Variants in DAPK1 observed in about 807,000 individuals in gnomAD.
The protein encoded by DAPK1 is death associated protein kinase 1, also known as death-associated protein kinase 1.
Under a neutral mutation model 144.9 loss-of-function variants are expected in DAPK1, and 56 were observed. That is an observed-to-expected ratio of 0.39 (90% CI 0.31 to 0.48). DAPK1 has a LOEUF of 0.48. DAPK1 is among the 20% of genes least tolerant of loss of function. The pLI is 0.95. For synonymous variants in DAPK1, 690 were observed against 749.0 expected (o/e 0.92, Z 1.29); for missense variants, 1,454 against 1,875.4 (o/e 0.78, Z 4.15).
At chr9:87,580,537 C>T (rs1227575151) in intron 2 of DAPK1, among the ~76,000 whole-genome samples, 1 of 152,190 alleles carries the variant, frequency 6.6e-6, no homozygotes, top group African/African-American at 2.4e-5. Context: ...GCAGACAACA[C>T]AGTAATGAAT....
At chr9:87,661,671 TG>T (rs1437414411) in intron 18 of DAPK1, among the ~76,000 whole-genome samples, 1 of 152,184 alleles carries the variant, frequency 6.6e-6, no homozygotes, top group Non-Finnish European at 1.5e-5. Context: ...GGGATTATTT[TG>T]GGGTTTTTGT....
chr9:87,593,449 T>G (rs1448915740), intron 2 of DAPK1, among the ~76,000 whole-genome samples: 2 of 152,236 alleles, frequency 1.3e-5, no homozygotes, highest in East Asian at 3.8e-4. Context: ...CTTTCTTTGT[T>G]CTTCCTCTCA....
intron 23 of DAPK1, among the ~76,000 whole-genome samples, chr9:87,699,248 C>A (rs1243880553): frequency 6.6e-6 from 1 of 152,204 alleles, no homozygotes; most frequent in Non-Finnish European, 1.5e-5. Context: ...AAGCAACCCC[C>A]TTCTTTCTAC....
chr9:87,632,873 T>C (rs1829749633), intron 3 of DAPK1: 4 of 955,570 alleles, frequency 4.2e-6, no homozygotes, highest in Non-Finnish European at 2.5e-6. Flanking sequence ...TGAAGGAAGA[T>C]GAGTATACAT....
Position 87,631,147 on chromosome 9 carries a change from G to A in DAPK1, c.285-6796G>A, listed in dbSNP as rs538729438. ...CTTGGTGCCTGATTTCTTCCACTCT[G>A]AAGAATCCTAATGTTTGCCTTGAAA... On this transcript the variant is annotated intron_variant, in intron 3 of 25. Transcript: ENST00000408954. Among the ~76,000 whole-genome samples the A allele has an allele frequency of 3.9e-5, 6 of 152,224 alleles. No individual in the cohort carries two copies. The South Asian group carries it at 1.2e-3, about 32-fold the overall frequency.
chr9:87,606,460 CCTCT>C (rs1198976649), intron 3 of DAPK1, among the ~76,000 whole-genome samples: 3 of 147,510 alleles, frequency 2.0e-5, no homozygotes, highest in Admixed American at 6.7e-5. Flanking sequence ...TCCCTTCCTT[CCTCT>C]CTCTCTTTCC....
intron 2 of DAPK1, among the ~76,000 whole-genome samples, chr9:87,572,322 A>C (rs554396393): frequency 6.6e-6 from 1 of 152,316 alleles, no homozygotes; most frequent in African/African-American, 2.4e-5. Flanking sequence ...ATGGCTACTA[A>C]ATATATTATA....
At chr9:87,681,180 A>G (rs1247929145) in intron 19 of DAPK1, among the ~76,000 whole-genome samples, 1 of 152,020 alleles carries the variant, frequency 6.6e-6, no homozygotes, top group African/African-American at 2.4e-5. Flanking sequence ...CGGGAGGCTG[A>G]GGCAGGAGAA....
chr9:87,629,920 C>T (rs1829612160), intron 3 of DAPK1, among the ~76,000 whole-genome samples: 1 of 152,148 alleles, frequency 6.6e-6, no homozygotes, highest in African/African-American at 2.4e-5. Context: ...GACACTTGCT[C>T]TGGAGCCCTG....
At chr9:87,705,466 C>T (rs545505225) in intron 25 of DAPK1, among the ~76,000 whole-genome samples, 2 of 152,228 alleles carry the variant, frequency 1.3e-5, no homozygotes, top group South Asian at 4.1e-4. Context: ...AAGTGATCCA[C>T]CCGCCTCGGC....
At chr9:87,667,987 A>C (rs1831117053) in intron 18 of DAPK1, 1 of 152,436 alleles carries the variant, frequency 6.6e-6, no homozygotes. Flanking sequence ...TACAGAAACA[A>C]ATTTATTCAG....
At chr9:87,541,435 G>C (rs936291971) in intron 2 of DAPK1, among the ~76,000 whole-genome samples, 1 of 151,970 alleles carries the variant, frequency 6.6e-6, no homozygotes, top group African/African-American at 2.4e-5. Flanking sequence ...TGTAATCCCA[G>C]TTGTTCGGTA....
At chr9:87,684,547 C>T (rs978999383) in intron 20 of DAPK1, among the ~76,000 whole-genome samples, 2 of 152,174 alleles carry the variant, frequency 1.3e-5, no homozygotes, top group Non-Finnish European at 2.9e-5. Context: ...GCCAGGAGAC[C>T]GGACGGGGTC....
intron 2 of DAPK1, among the ~76,000 whole-genome samples, chr9:87,501,881 T>G (rs1824415707): frequency 1.3e-5 from 2 of 152,178 alleles, no homozygotes; most frequent in Non-Finnish European, 2.9e-5. Flanking sequence ...GTCCAAAACC[T>G]GGCTCTGCAA....
chr9:87,525,515 A>T (rs961900987), intron 2 of DAPK1: 2 of 1,141,598 alleles, frequency 1.8e-6, no homozygotes, highest in African/African-American at 3.0e-5. Flanking sequence ...CATATACTCA[A>T]TGAAAAACCA....
chr9:87,629,652 G>A (rs1477906350), intron 3 of DAPK1, among the ~76,000 whole-genome samples: 2 of 152,160 alleles, frequency 1.3e-5, no homozygotes, highest in African/African-American at 4.8e-5. Flanking sequence ...TGGGTTTGCA[G>A]GTGTGAACCA....
At chr9:87,643,346 C>CT in intron 10 of DAPK1, 30 bp from the exon 11 acceptor site, 17 of 1,103,648 alleles carry the variant, frequency 1.5e-5, no homozygotes, top group African/African-American at 2.5e-5. Flanking sequence ...CCCCGCCCTC[C>CT]CTTTTTTTTT....
At chr9:87,547,128 G>C (rs1338172541) in intron 2 of DAPK1, among the ~76,000 whole-genome samples, 2 of 152,190 alleles carry the variant, frequency 1.3e-5, no homozygotes, top group African/African-American at 2.4e-5. Context: ...CTGCACCCCA[G>C]CCTGGGTGAC....
chr9:87,674,801 G>A (rs1824303993), intron 19 of DAPK1, among the ~76,000 whole-genome samples: 2 of 152,182 alleles, frequency 1.3e-5, no homozygotes, highest in Non-Finnish European at 2.9e-5. Context: ...CTAATGTTTA[G>A]TCTTCTTGTC....
Sources: gnomAD v4.1 joint callset for allele counts (sites outside exome capture counted in the v4.1 genomes callset) on GRCh38, gnomAD v4.1.1 for gene constraint, MANE v1.5 for transcripts, NCBI Gene and HGNC (gene_info 2026-07-23, HGNC 2026-07-21) for gene names.